DMXL1: variants seen among roughly 807,000 people sequenced by gnomAD.
DMXL1 encodes dmX-like protein 1.
In DMXL1, 99 loss-of-function variants were observed where a neutral mutation model predicts 319.2. The observed-to-expected ratio is 0.31, with a 90% CI of 0.26 to 0.37. DMXL1 has a LOEUF of 0.37. DMXL1 is among the 10% of genes least tolerant of loss of function. The pLI is 1.00. For synonymous variants in DMXL1, 1,385 were observed against 1,235.2 expected (o/e 1.12, Z -2.54); for missense variants, 3,745 against 3,595.6 (o/e 1.04, Z -1.06).
chr5:119,123,343 G>GGGAGAGGAGGGAGAT (rs1762671552), intron 9 of DMXL1, among the ~76,000 whole-genome samples: 2 of 127,854 alleles, frequency 1.6e-5, no homozygotes, highest in East Asian at 4.6e-4. Context: ...AGGAGGGAGA[G>GGGAGAGGAGGGAGAT]GGAGAGGAGG....
intron 38 of DMXL1, among the ~76,000 whole-genome samples, chr5:119,226,665 A>T (rs912823583): frequency 6.6e-6 from 1 of 152,162 alleles, no homozygotes; most frequent in African/African-American, 2.4e-5. Flanking sequence ...TTAAGGGCTC[A>T]GTCCCACAAA....
rs1488542006 is a variant in DMXL1 at position 119,247,765 on chromosome 5, A to G, written c.*546A>G. ...AGATGGCTCAATATGTAAGGTTTTC[A>G]GTAGTTTACCCTCCGGAACCCAAGT... On this transcript the variant is annotated 3_prime_UTR_variant, in exon 44 of 44. Transcript: ENST00000539542. 1 of 152,504 alleles carries G rather than the reference A, an allele frequency of 6.6e-6. No individual in the cohort carries two copies. Among genetic ancestry groups the G allele is most frequent in the African/African-American group, 2.4e-5 (1 of 41,412 alleles). 9.4% of individuals were successfully genotyped at this position (152,504 alleles called of 1,614,324 possible).
intron 34 of DMXL1, among the ~76,000 whole-genome samples, chr5:119,211,682 C>T (rs774021535): frequency 8.5e-5 from 13 of 152,246 alleles, no homozygotes; most frequent in Non-Finnish European, 1.2e-4. Context: ...GTTATGCCTT[C>T]GGCATTCTTT....
At chr5:119,095,552 T>G (rs939855613) in intron 1 of DMXL1, among the ~76,000 whole-genome samples, 15 of 152,208 alleles carry the variant, frequency 9.9e-5, no homozygotes, top group African/African-American at 3.6e-4. Flanking sequence ...AAAGGTGAAG[T>G]TGTGAAGACA....
chr5:119,089,456 C>T (rs1466624070), intron 1 of DMXL1, among the ~76,000 whole-genome samples: 4 of 149,484 alleles, frequency 2.7e-5, no homozygotes, highest in Non-Finnish European at 5.9e-5. Context: ...CAGGCGCGCA[C>T]CACCACACCC....
chr5:119,163,032 A>G (rs899219807), intron 19 of DMXL1, among the ~76,000 whole-genome samples: 2 of 152,200 alleles, frequency 1.3e-5, no homozygotes, highest in African/African-American at 4.8e-5. Context: ...TGAAAAGTGA[A>G]AATAGAAGCT....
chr5:119,168,886 T>C (rs1048871729), intron 23 of DMXL1, among the ~76,000 whole-genome samples: 1 of 151,890 alleles, frequency 6.6e-6, no homozygotes, highest in African/African-American at 2.4e-5. Flanking sequence ...TCCTTTTGTC[T>C]TGTCTTTTCT....
At chr5:119,111,896 TCTAATA>T (rs1319984052) in intron 5 of DMXL1, among the ~76,000 whole-genome samples, 1 of 152,174 alleles carries the variant, frequency 6.6e-6, no homozygotes, top group Non-Finnish European at 1.5e-5. Flanking sequence ...ATGAATGTTA[TCTAATA>T]GTGTTTAGAG....
At position 119,087,841 on chromosome 5, in the gene DMXL1, G is replaced by T. The variant is rs558870911; in HGVS notation, c.88-10138G>T. Among the ~76,000 whole-genome samples the T allele has an allele frequency of 2.6e-5, 4 of 151,488 alleles. No individual in the cohort carries two copies. In the South Asian group the frequency reaches 8.4e-4, roughly 32 times the overall value. On this transcript the variant is annotated intron_variant, in intron 1 of 43. Coordinates refer to ENST00000539542, the MANE Select transcript of DMXL1 (RefSeq NM_001290321.3). ...TTTTGAGACAGAGTCTCGTTCTGTT[G>T]CCCAGGCTGGAGTGCAATGGCGCTA...
At chr5:119,118,237 G>A (rs1283175528) in intron 7 of DMXL1, among the ~76,000 whole-genome samples, 1 of 152,174 alleles carries the variant, frequency 6.6e-6, no homozygotes, top group Non-Finnish European at 1.5e-5. Context: ...CATCTGTTAG[G>A]TAAGGAGAGA....
intron 9 of DMXL1, among the ~76,000 whole-genome samples, chr5:119,123,970 C>G (rs1762899953): frequency 6.6e-6 from 1 of 150,830 alleles, no homozygotes; most frequent in Admixed American, 6.6e-5. Context: ...CAGCAACTCA[C>G]TGGATTAGTA....
chr5:119,178,528 G>A (rs1409600361), intron 28 of DMXL1: 8 of 803,676 alleles, frequency 1.0e-5, no homozygotes, highest in Non-Finnish European at 1.2e-5. Flanking sequence ...TGTAATATTG[G>A]TTTTTGTTCT....
Position 119,133,871 on chromosome 5 carries a change from A to C in DMXL1, c.1947A>C (p.Leu649Phe). The C allele has an allele frequency of 6.2e-7, 1 of 1,614,134 alleles. No homozygotes were observed. Among genetic ancestry groups the C allele is most frequent in the Non-Finnish European group, 8.5e-7 (1 of 1,180,024 alleles). ...ATGATTTAGCTTGCCACTCAGTATT[A>C]CCATTATTGCTGACAACATCACACC... ...HLNDLACHSV[L>F]PLLLTTSHHN... Residue 649 changes from leucine to phenylalanine, a missense_variant, in exon 12 of 44, where the codon TTA becomes TTC. Physicochemically the swap from Leu to Phe is conservative, Grantham distance 22 (BLOSUM62 0). Transcript: ENST00000539542.
chr5:119,092,565 A>G (rs1220225825), intron 1 of DMXL1, among the ~76,000 whole-genome samples: 1 of 152,212 alleles, frequency 6.6e-6, no homozygotes, highest in African/African-American at 2.4e-5. Flanking sequence ...TTAGTGTATT[A>G]ACAATGTGTA....
intron 1 of DMXL1, among the ~76,000 whole-genome samples, chr5:119,076,740 G>T (rs1750969463): frequency 6.6e-6 from 1 of 152,112 alleles, no homozygotes; most frequent in Non-Finnish European, 1.5e-5. Flanking sequence ...TGGTTTTGTT[G>T]ATTAAAACTA....
intron 42 of DMXL1, among the ~76,000 whole-genome samples, chr5:119,243,104 T>C (rs1378277248): frequency 6.6e-6 from 1 of 152,236 alleles, no homozygotes; most frequent in East Asian, 1.9e-4. Flanking sequence ...GAAAATATTC[T>C]GTACCTTGAT....
chr5:119,168,678 T>A (rs1773925817), intron 23 of DMXL1, among the ~76,000 whole-genome samples: 1 of 152,052 alleles, frequency 6.6e-6, no homozygotes, highest in Non-Finnish European at 1.5e-5. Flanking sequence ...AGGGAAAATG[T>A]AAATGCCTTT....
chr5:119,144,690 C>A, intron 15 of DMXL1, 52 bp downstream of exon 15: 1 of 1,145,870 alleles, frequency 8.7e-7, no homozygotes, highest in Non-Finnish European at 1.2e-6. Flanking sequence ...GTATGTTAGG[C>A]AGTTAATAAA....
Position 119,167,788 on chromosome 5 carries a change from C to G in DMXL1, c.5322C>G (p.Ser1774Arg), listed in dbSNP as rs1488327288. ...TGCATCATGATCCTTTTCTTCGGAG[C>G]ATGGCATATTGGATTTTGGAAGATT... Reference protein sequence around the residue: ...INMHHDPFLRSMAYWILEDYS... With the variant: ...INMHHDPFLRRMAYWILEDYS... The change falls in exon 23 of 44, where the codon AGC becomes AGG. Residue 1774 changes from serine to arginine, a missense_variant. This residue lies in a region of DMXL1 where 1,382 missense variants were observed against 1,269.5 expected (regional missense o/e 1.09). Coordinates refer to ENST00000539542, the MANE Select transcript of DMXL1 (RefSeq NM_001290321.3). 1 of 1,613,342 alleles carries G rather than the reference C, an allele frequency of 6.2e-7. No individual in the cohort carries two copies. The highest frequency in any genetic ancestry group is 1.3e-5 in the African/African-American group (1 of 74,882).
Sources: gnomAD v4.1 joint callset for allele counts (sites outside exome capture counted in the v4.1 genomes callset) on GRCh38, gnomAD v4.1.1 for gene constraint, gnomAD v4.1.1 regional missense constraint, MANE v1.5 for transcripts, NCBI Gene and HGNC (gene_info 2026-07-23, HGNC 2026-07-21) for gene names.